The following CDX1 variants were observed in gnomAD, a reference collection of about 807,000 sequenced individuals.
CDX1 encodes homeobox protein CDX-1.
A neutral mutation model predicts 16.9 loss-of-function variants in CDX1; 9 were observed. The observed-to-expected ratio is 0.53, with a 90% confidence interval of 0.32 to 0.93. The LOEUF (loss-of-function observed/expected upper bound fraction) is 0.93. Ranked by LOEUF, CDX1 falls within the 40% of genes least tolerant of loss-of-function variation. The pLI is 0.04. For synonymous variants in CDX1, 179 were observed against 179.0 expected (o/e 1.00, Z 0.00); for missense variants, 393 against 386.1 (o/e 1.02, Z -0.15).
In CDX1 at chr5:150,167,235, G is replaced by A. The variant is rs1761439295; in HGVS notation, c.359G>A (p.Gly120Asp). 2.4e-6 allele frequency: 3 copies of A among 1,262,968 alleles called. No individual in the cohort carries two copies. Among genetic ancestry groups the A allele is most frequent in the Non-Finnish European group, 3.0e-6 (3 of 1,009,738 alleles). The allele number at this position is 1,262,968 out of a possible 1,614,324, so 78.2% of individuals were successfully genotyped here. Reference protein sequence around the residue: ...GLLAQPLGGPGTPSSPGAQRP... With the variant: ...GLLAQPLGGPDTPSSPGAQRP... The stretch of plus-strand genomic sequence containing the variant: ...CTGGCGCAGCCCCTCGGGGGCCCGG[G>A]CACACCGTCCTCGCCCGGAGCGCAG... Residue 120 changes from glycine to aspartate, a missense_variant, in exon 1 of 3, where the codon GGC (glycine) becomes GAC (aspartate). Coordinates refer to ENST00000231656, the MANE Select transcript of CDX1 (RefSeq NM_001804.3).
intron 1 of CDX1, among the ~76,000 whole-genome samples, chr5:150,169,682 T>C (rs994543932): frequency 6.6e-6 from 1 of 152,204 alleles, no homozygotes; most frequent in African/African-American, 2.4e-5. Context: ...TGTGCAATGC[T>C]GCTGTCCAGG....
At chr5:150,177,103 C>A (rs1432151362) in intron 1 of CDX1, among the ~76,000 whole-genome samples, 3 of 152,280 alleles carry the variant, frequency 2.0e-5, no homozygotes, top group Non-Finnish European at 2.9e-5. Flanking sequence ...AGGCCACACT[C>A]TGTCCTTGCC....
chr5:150,179,022 A>G (rs537336718), intron 1 of CDX1, among the ~76,000 whole-genome samples: 8 of 152,194 alleles, frequency 5.3e-5, no homozygotes, highest in African/African-American at 1.7e-4. Context: ...TCAGAAACAG[A>G]TGGAGCTTTG....
At chr5:150,178,605 T>C (rs1398055957) in intron 1 of CDX1, among the ~76,000 whole-genome samples, 2 of 152,220 alleles carry the variant, frequency 1.3e-5, no homozygotes, top group East Asian at 1.9e-4. Context: ...GAGCTGGGAC[T>C]GGAGCCCAGG....
intron 1 of CDX1, among the ~76,000 whole-genome samples, chr5:150,172,362 C>G (rs1761518744): frequency 6.6e-6 from 1 of 151,984 alleles, no homozygotes; most frequent in Non-Finnish European, 1.5e-5. Flanking sequence ...GGCACTGTGC[C>G]AATAACTTTG....
chr5:150,183,522 A>T lies in CDX1; in HGVS notation c.640A>T (p.Lys214Ter). The change falls in exon 3 of 3, where the codon AAG becomes TAG. Residue 214 changes from lysine to a stop codon, truncating the protein, a stop_gained. Coordinates refer to ENST00000231656, the MANE Select transcript of CDX1 (RefSeq NM_001804.3). LOFTEE classifies it low-confidence loss of function (END_TRUNC). The part of the protein sequence containing the change: ...NRRAKERKVN[K>*]KKQQQQQPPQ... ...GCGGGCAAAGGAGCGCAAAGTGAAC[A>T]AGAAGAAACAGCAGCAGCAACAGCC... 1 of 1,612,174 alleles carries T rather than the reference A, an allele frequency of 6.2e-7. No homozygotes were observed. The highest frequency in any genetic ancestry group is 8.5e-7 in the Non-Finnish European group (1 of 1,178,724).
At chr5:150,168,140 A>G (rs911853677) in intron 1 of CDX1, among the ~76,000 whole-genome samples, 2 of 152,240 alleles carry the variant, frequency 1.3e-5, no homozygotes, top group African/African-American at 4.8e-5. Context: ...TGTTGGCCGG[A>G]AAGTGAACAC....
In CDX1 at chr5:150,183,798, C is replaced by T. The variant is rs966935252; in HGVS notation, c.*118C>T. The T allele has an allele frequency of 5.2e-6, 4 of 770,946 alleles. No homozygotes were observed. The highest frequency in any genetic ancestry group is 6.0e-6 in the Non-Finnish European group (3 of 496,940). 47.8% of individuals were successfully genotyped at this position (770,946 alleles called of 1,614,324 possible). ...CCCTGACCTTCTGGGACATGGTGGA[C>T]AGTCACCTATCCACCCTCTGCATCC... On this transcript the variant is annotated 3_prime_UTR_variant, in exon 3 of 3. Coordinates refer to ENST00000231656, the MANE Select transcript of CDX1 (RefSeq NM_001804.3).
In CDX1 at chr5:150,182,779, A is replaced by G. The variant is rs761281057; in HGVS notation, c.457A>G (p.Thr153Ala). 1.9e-6 allele frequency: 3 copies of G among 1,587,546 alleles called. No individual in the cohort carries two copies. The highest frequency in any genetic ancestry group is 4.7e-5 in the East Asian group (2 of 42,694). Reference sequence around the variant, plus strand: ...CTTCTGCTTCTCAGGTAAGACTCGGACCAAGGACAAGTACCGCGTGGTCTA... The same window carrying G: ...CTTCTGCTTCTCAGGTAAGACTCGGGCCAAGGACAAGTACCGCGTGGTCTA... Reference protein sequence around the residue: ...GGGGGSGKTRTKDKYRVVYTD... With the variant: ...GGGGGSGKTRAKDKYRVVYTD... Residue 153 changes from threonine to alanine, a missense_variant, in exon 2 of 3, where the codon ACC (threonine) becomes GCC (alanine). Thr to Ala is a moderately conservative substitution (Grantham distance 58, BLOSUM62 0). Coordinates refer to ENST00000231656, the MANE Select transcript of CDX1 (RefSeq NM_001804.3).
chr5:150,182,497 G>A (rs771799447), intron 1 of CDX1, among the ~76,000 whole-genome samples: 4 of 152,240 alleles, frequency 2.6e-5, no homozygotes, highest in Non-Finnish European at 4.4e-5. Context: ...TCCGTCAGCA[G>A]CCTGCTGTGT....
intron 1 of CDX1, among the ~76,000 whole-genome samples, chr5:150,179,011 A>G (rs1373830890): frequency 6.6e-6 from 1 of 152,030 alleles, no homozygotes; most frequent in Non-Finnish European, 1.5e-5. Flanking sequence ...GTCTTGTGTT[A>G]TCAGAAACAG....
chr5:150,179,424 A>C (rs1761612643), intron 1 of CDX1, among the ~76,000 whole-genome samples: 1 of 151,998 alleles, frequency 6.6e-6, no homozygotes, highest in Admixed American at 6.6e-5. Flanking sequence ...ATCTGGTCTC[A>C]CTCCTGACCC....
chr5:150,169,753 C>G (rs544670142), intron 1 of CDX1, among the ~76,000 whole-genome samples: 12 of 152,320 alleles, frequency 7.9e-5, no homozygotes, highest in South Asian at 4.1e-4. Flanking sequence ...CACTGGCCAC[C>G]AGGTCTTCAG....
At chr5:150,168,688 G>A (rs187397902) in intron 1 of CDX1, among the ~76,000 whole-genome samples, 1 of 152,322 alleles carries the variant, frequency 6.6e-6, no homozygotes, top group African/African-American at 2.4e-5. Flanking sequence ...TGTAACTAGT[G>A]GGGCTGGGAT....
intron 1 of CDX1, among the ~76,000 whole-genome samples, chr5:150,172,847 C>G (rs938418117): frequency 6.6e-6 from 1 of 152,224 alleles, no homozygotes; most frequent in Admixed American, 6.5e-5. Flanking sequence ...CTGCTCAGAG[C>G]TTGGGGAATC....
intron 1 of CDX1, among the ~76,000 whole-genome samples, chr5:150,180,348 T>C (rs1562059135): frequency 6.6e-6 from 1 of 152,244 alleles, no homozygotes; most frequent in African/African-American, 2.4e-5. Flanking sequence ...GGCAGCGGAC[T>C]GAGGTCAGTG....
chr5:150,183,763 C>G lies in CDX1; in HGVS notation c.*83C>G. On this transcript the variant is annotated 3_prime_UTR_variant, in exon 3 of 3. Transcript: ENST00000231656. ...TCCTGTGGGCCCAGGAGGTCTGGTC[C>G]GAGTCTCAGCCCTGACCTTCTGGGA... 1 of 1,157,630 alleles carries G rather than the reference C, an allele frequency of 8.6e-7. No individual in the cohort carries two copies. Among genetic ancestry groups the G allele is most frequent in the Non-Finnish European group, 1.2e-6 (1 of 840,744 alleles). The allele number at this position is 1,157,630 out of a possible 1,614,324, so 71.7% of individuals were successfully genotyped here.
intron 1 of CDX1, among the ~76,000 whole-genome samples, chr5:150,180,071 C>T (rs981019958): frequency 6.6e-6 from 1 of 152,258 alleles, no homozygotes; most frequent in Non-Finnish European, 1.5e-5. Flanking sequence ...CATTGTGAAC[C>T]CCGATCTCTT....
At chr5:150,181,247 C>T (rs1183623845) in intron 1 of CDX1, among the ~76,000 whole-genome samples, 1 of 152,204 alleles carries the variant, frequency 6.6e-6, no homozygotes, top group African/African-American at 2.4e-5. Flanking sequence ...AGCCTCTCCC[C>T]AGATGTCTGC....
Sources: allele counts gnomAD v4.1 joint callset (sites outside exome capture counted in the v4.1 genomes callset), GRCh38; gene constraint gnomAD v4.1.1; transcripts MANE v1.5; gene names NCBI Gene and HGNC (gene_info 2026-07-23, HGNC 2026-07-21).